The following VPS13D variants were observed in gnomAD, a reference collection of about 807,000 sequenced individuals.
VPS13D encodes the protein vacuolar protein sorting 13 homolog D, also known as intermembrane lipid transfer protein VPS13D.
In VPS13D, 187 loss-of-function variants were observed where a neutral mutation model predicts 461.9. That is an observed-to-expected ratio of 0.40 (90% CI 0.36 to 0.46). The LOEUF is 0.46. VPS13D is among the 20% of genes least tolerant of loss of function. The pLI is 0.60. For missense variants in VPS13D, 4,711 were observed against 5,364.9 expected (o/e 0.88, Z 3.81); for synonymous variants, 1,951 against 1,986.3 (o/e 0.98, Z 0.47).
In VPS13D at chr1:12,509,924, A is replaced by G. The variant is rs1344202194; in HGVS notation, c.*900A>G. ...AAAAAAGTCCCATTGAACTGTTGCA[A>G]CAAATCAGAAATCCACATAAAAGTG... On this transcript the variant is annotated 3_prime_UTR_variant, in exon 70 of 70. Transcript: ENST00000620676. The G allele has an allele frequency of 6.6e-6, 1 of 152,262 alleles. No homozygotes were observed. Among genetic ancestry groups the G allele is most frequent in the Non-Finnish European group, 1.5e-5 (1 of 68,046 alleles). The allele number at this position is 152,262 out of a possible 1,614,324, so 9.4% of individuals were successfully genotyped here. A position where few individuals can be genotyped will look rare whatever the true frequency, so the allele number is the denominator to read the frequency against.
chr1:12,288,383 A>G (rs1312142286), intron 22 of VPS13D, 70 bp downstream of exon 22: 4 of 1,370,438 alleles, frequency 2.9e-6, no homozygotes, highest in Admixed American at 1.7e-5. Flanking sequence ...GTGATCACAA[A>G]TTGATTGTCC....
At chr1:12,248,737 T>C (rs1557662820) in intron 5 of VPS13D, among the ~76,000 whole-genome samples, 1 of 152,190 alleles carries the variant, frequency 6.6e-6, no homozygotes, top group Non-Finnish European at 1.5e-5. Context: ...ACATACATAG[T>C]TTATGTGCCT....
At chr1:12,257,192 A>G (rs1640950591) in intron 9 of VPS13D, 105 bp downstream of exon 9, 1 of 979,004 alleles carries the variant, frequency 1.0e-6, no homozygotes, top group South Asian at 1.4e-5. Flanking sequence ...GTTTGGAGAT[A>G]AAAGTACAGT....
In VPS13D at chr1:12,460,332, GC is replaced by G; in HGVS notation, c.12601del (p.Leu4201TrpfsTer11). ...CACTGTAACCAAGCCAGTGGCAGGC[GC>G]CCTGGATTTTGCATCAGAAACAGCC... The part of the protein sequence containing the change: ...VGTVTKPVAG[A>X]LDFASETAQA... On this transcript the variant is annotated frameshift_variant, in exon 67 of 70. Coordinates refer to ENST00000620676, the MANE Select transcript of VPS13D (RefSeq NM_015378.4). LOFTEE classifies it high-confidence loss of function. 6.2e-7 allele frequency: 1 copy of G among 1,612,910 alleles called. No homozygotes were observed. Among genetic ancestry groups the G allele is most frequent in the Non-Finnish European group, 8.5e-7 (1 of 1,179,436 alleles).
At chr1:12,370,737 A>G (rs767270779) in intron 54 of VPS13D, among the ~76,000 whole-genome samples, 4 of 152,224 alleles carry the variant, frequency 2.6e-5, no homozygotes, top group Non-Finnish European at 4.4e-5. Flanking sequence ...GACATGCTTA[A>G]GGTTTAATGC....
intron 65 of VPS13D, among the ~76,000 whole-genome samples, chr1:12,443,336 G>T (rs1645152682): frequency 6.6e-6 from 1 of 152,214 alleles, no homozygotes; most frequent in South Asian, 2.1e-4. Flanking sequence ...CTGCTGTATA[G>T]TATTCCATTG....
chr1:12,482,438 C>A (rs1645731385), intron 67 of VPS13D, among the ~76,000 whole-genome samples: 2 of 152,156 alleles, frequency 1.3e-5, no homozygotes, highest in Non-Finnish European at 2.9e-5. Flanking sequence ...GCATTTGTGC[C>A]TGAATGCTCT....
chr1:12,447,879 G>T (rs1367010753), intron 65 of VPS13D, among the ~76,000 whole-genome samples: 1 of 152,154 alleles, frequency 6.6e-6, no homozygotes, highest in Non-Finnish European at 1.5e-5. Context: ...TGTATTTTGC[G>T]ATTTTAATTG....
At chr1:12,259,319 ATTT>A (rs544878359) in intron 10 of VPS13D, among the ~76,000 whole-genome samples, 1 of 137,382 alleles carries the variant, frequency 7.3e-6, no homozygotes. Flanking sequence ...TACTCTTTTT[ATTT>A]TTTTTTTTTT....
intron 23 of VPS13D, among the ~76,000 whole-genome samples, chr1:12,291,578 G>C (rs923258550): frequency 1.3e-5 from 2 of 152,170 alleles, no homozygotes; most frequent in African/African-American, 4.8e-5. Context: ...AGCCATGACT[G>C]TGCTACTGCA....
chr1:12,428,589 T>A (rs116610401), intron 65 of VPS13D, among the ~76,000 whole-genome samples: 141 of 152,260 alleles, frequency 9.3e-4, no homozygotes, highest in African/African-American at 3.2e-3. Flanking sequence ...TGCCTCTGAT[T>A]GGGGTGCCCT....
At chr1:12,424,532 T>C (rs1016922358) in intron 65 of VPS13D, among the ~76,000 whole-genome samples, 6 of 152,164 alleles carry the variant, frequency 3.9e-5, no homozygotes, top group Non-Finnish European at 8.8e-5. Flanking sequence ...GCAGTCCCCA[T>C]GTACCTCACT....
chr1:12,338,074 C>T (rs889952535), intron 39 of VPS13D, 157 bp from the exon 40 acceptor site: 6 of 599,204 alleles, frequency 1.0e-5, no homozygotes, highest in Non-Finnish European at 1.2e-5. Flanking sequence ...CAAGTACATT[C>T]GTAGTGCTTA....
At chr1:12,343,133 C>A in intron 42 of VPS13D, 82 bp downstream of exon 42, 2 of 1,148,440 alleles carry the variant, frequency 1.7e-6, no homozygotes, top group Non-Finnish European at 1.2e-6. Flanking sequence ...TTTTTACTTT[C>A]CTTATAAATG....
In VPS13D at chr1:12,288,327, G is replaced by T. The variant is rs373650370; in HGVS notation, c.5725+14G>T. On this transcript the variant is annotated intron_variant, in intron 22 of 69. Transcript: ENST00000620676. ...TGGAAATGATTGGTAAGTGGTGGGG[G>T]GTGGAGGGAAGCAAACTTGCAAAAT... 2 of 1,612,548 alleles carry T rather than the reference G, an allele frequency of 1.2e-6. No homozygotes were observed. The highest frequency in any genetic ancestry group is 1.3e-5 in the African/African-American group (1 of 74,998).
At chr1:12,422,555 G>A (rs572431556) in intron 65 of VPS13D, among the ~76,000 whole-genome samples, 1 of 152,198 alleles carries the variant, frequency 6.6e-6, no homozygotes, top group Non-Finnish European at 1.5e-5. Context: ...ATTTGACAGA[G>A]ATCTAATTTT....
chr1:12,334,768 G>C (rs1643409226), intron 38 of VPS13D, among the ~76,000 whole-genome samples: 1 of 152,162 alleles, frequency 6.6e-6, no homozygotes, highest in Admixed American at 6.5e-5. Context: ...CTGTCTCTAA[G>C]AAACCAACCA....
intron 23 of VPS13D, 49 bp from the exon 24 acceptor site, chr1:12,293,475 A>G (rs1642188264): frequency 6.0e-6 from 9 of 1,510,436 alleles, no homozygotes; most frequent in African/African-American, 2.8e-5. Context: ...TTGAAATACT[A>G]ACTTGTGTCT....
In VPS13D at chr1:12,411,437, A is replaced by T. The variant is rs1243807449; in HGVS notation, c.12031-3650A>T. ...CACTTGAGCCCAGGAGTTCAGGGCC[A>T]GCCTGGGCATCATAGGGAGACCCTG... On this transcript the variant is annotated intron_variant, in intron 63 of 69. Transcript: ENST00000620676. Among the ~76,000 whole-genome samples the T allele has an allele frequency of 4.6e-5, 7 of 150,978 alleles. No individual in the cohort carries two copies. The South Asian group carries it at 1.3e-3, about 28-fold the overall frequency.
Sources: gnomAD v4.1 joint callset for allele counts (sites outside exome capture counted in the v4.1 genomes callset) on GRCh38, gnomAD v4.1.1 for gene constraint, MANE v1.5 for transcripts, NCBI Gene and HGNC (gene_info 2026-07-23, HGNC 2026-07-21) for gene names.